FSTL4: variants seen among roughly 807,000 people sequenced by gnomAD.
FSTL4 encodes the protein follistatin like 4.
FSTL4 carries 28 observed loss-of-function variants against 78.2 expected under a neutral mutation model. The ratio of observed to expected loss-of-function variants is 0.36; its 90% CI spans 0.27 to 0.49. The LOEUF is 0.49. FSTL4 is among the 20% of genes least tolerant of loss of function. FSTL4 has a pLI of 0.98. For synonymous variants in FSTL4, 422 were observed against 440.5 expected, an observed-to-expected ratio of 0.96 and a Z score of 0.53; for missense variants, 922 against 1,084.9, an observed-to-expected ratio of 0.85 and a Z score of 2.11.
intron 2 of FSTL4, among the ~76,000 whole-genome samples, chr5:133,581,345 G>C (rs746179048): frequency 2.6e-5 from 4 of 152,184 alleles, no homozygotes; most frequent in Non-Finnish European, 4.4e-5. Flanking sequence ...TGTTCCTCAC[G>C]TAGGATGCAC....
chr5:133,356,575 AT>A (rs1449724467), intron 4 of FSTL4, among the ~76,000 whole-genome samples: 1 of 152,240 alleles, frequency 6.6e-6, no homozygotes, highest in African/African-American at 2.4e-5. Context: ...CTTTCTTCAG[AT>A]GGGACTGGTT....
At chr5:133,616,322 T>TATCTA (rs1221828914), upstream of FSTL4, among the ~76,000 whole-genome samples, 47 of 151,182 alleles carry the variant, frequency 3.1e-4, no homozygotes, top group African/African-American at 1.1e-3. Flanking sequence ...TCTATCTATC[T>TATCTA]ATCTATCTAT....
At chr5:133,208,139 G>C (rs1750585254) in intron 14 of FSTL4, 1 of 152,068 alleles carries the variant, frequency 6.6e-6, no homozygotes, top group African/African-American at 2.4e-5. Flanking sequence ...CACTATCTCT[G>C]TCCACCTTGA....
At chr5:133,709,855 T>A in the FSTL4 span, among the ~76,000 whole-genome samples, 1 of 152,246 alleles carries the variant, frequency 6.6e-6, no homozygotes. Flanking sequence ...ATTAATATTA[T>A]TTTTATTGGC....
chr5:133,299,500 G>C (rs1337302998), intron 6 of FSTL4, among the ~76,000 whole-genome samples: 1 of 152,188 alleles, frequency 6.6e-6, no homozygotes, highest in Non-Finnish European at 1.5e-5. Flanking sequence ...AGGCTGTGGA[G>C]AGTCTGGCAT....
At chr5:133,674,661 AC>A in the FSTL4 span, among the ~76,000 whole-genome samples, 1 of 151,776 alleles carries the variant, frequency 6.6e-6, no homozygotes, top group Non-Finnish European at 1.5e-5. Context: ...CATGAGAGCG[AC>A]CTTTTTTGGT....
At chr5:133,222,513 T>G (rs1247342343) in intron 11 of FSTL4, among the ~76,000 whole-genome samples, 1 of 152,014 alleles carries the variant, frequency 6.6e-6, no homozygotes, top group Non-Finnish European at 1.5e-5. Flanking sequence ...AGCCACAAAC[T>G]CCAGGAACAG....
chr5:133,655,145 C>T, the FSTL4 span, among the ~76,000 whole-genome samples: 1 of 152,216 alleles, frequency 6.6e-6, no homozygotes, highest in African/African-American at 2.4e-5. Flanking sequence ...AACTCTCCAT[C>T]TAGTCTGGAA....
chr5:133,410,878 A>AG (rs1756464522), intron 3 of FSTL4, among the ~76,000 whole-genome samples: 2 of 152,212 alleles, frequency 1.3e-5, no homozygotes. Flanking sequence ...TATCAAGACA[A>AG]AGCTTAGTAA....
chr5:133,543,876 T>C (rs1759523325), intron 3 of FSTL4, among the ~76,000 whole-genome samples: 1 of 152,232 alleles, frequency 6.6e-6, no homozygotes, highest in Non-Finnish European at 1.5e-5. Flanking sequence ...CCTAGATTTT[T>C]TGAATATTTT....
chr5:133,343,863 T>C (rs550458893), intron 4 of FSTL4, among the ~76,000 whole-genome samples: 6 of 151,972 alleles, frequency 3.9e-5, no homozygotes, highest in Non-Finnish European at 8.8e-5. Flanking sequence ...AAGCACAGGA[T>C]GGTCGAGGGA....
At chr5:133,671,209 A>C in the FSTL4 span, among the ~76,000 whole-genome samples, 2 of 152,170 alleles carry the variant, frequency 1.3e-5, no homozygotes, top group South Asian at 4.2e-4. Context: ...CTGATAACCC[A>C]GGAATGAGAC....
At chr5:133,350,275 A>G (rs1199875334) in intron 4 of FSTL4, among the ~76,000 whole-genome samples, 1 of 152,242 alleles carries the variant, frequency 6.6e-6, no homozygotes, top group African/African-American at 2.4e-5. Context: ...TCTTGGAGAT[A>G]GTGTCATACA....
intron 4 of FSTL4, among the ~76,000 whole-genome samples, chr5:133,389,785 T>C (rs1170055338): frequency 1.3e-5 from 2 of 152,154 alleles, no homozygotes; most frequent in Non-Finnish European, 2.9e-5. Flanking sequence ...CCTGACTGGA[T>C]ATAAGTAAAG....
chr5:133,280,869 C>T (rs1274098006), intron 6 of FSTL4, among the ~76,000 whole-genome samples: 1 of 152,208 alleles, frequency 6.6e-6, no homozygotes, highest in African/African-American at 2.4e-5. Flanking sequence ...TTCCTCTCAC[C>T]TCCCTGTCTC....
chr5:133,444,155 G>A (rs1478638417), intron 3 of FSTL4, among the ~76,000 whole-genome samples: 1 of 152,188 alleles, frequency 6.6e-6, no homozygotes, highest in Non-Finnish European at 1.5e-5. Flanking sequence ...ACCAATGTTT[G>A]TTAAATGACT....
intron 6 of FSTL4, among the ~76,000 whole-genome samples, chr5:133,306,307 C>T (rs1391840080): frequency 1.3e-5 from 2 of 152,184 alleles, no homozygotes; most frequent in East Asian, 1.9e-4. Context: ...GCGGGCTAAG[C>T]GAGAGCCCTC....
chr5:133,630,041 T>C, the FSTL4 span, among the ~76,000 whole-genome samples: 10 of 152,256 alleles, frequency 6.6e-5, no homozygotes, highest in African/African-American at 1.9e-4. Flanking sequence ...GCCAATATCA[T>C]AGTGAATGGG....
chr5:133,663,983 C>T, the FSTL4 span, among the ~76,000 whole-genome samples: 1 of 152,140 alleles, frequency 6.6e-6, no homozygotes, highest in East Asian at 1.9e-4. Flanking sequence ...ATGCTATGAG[C>T]AAATGTCCAA....
Sources: allele counts gnomAD v4.1 joint callset (sites outside exome capture counted in the v4.1 genomes callset), GRCh38; gene constraint gnomAD v4.1.1; transcripts MANE v1.5; gene names NCBI Gene and HGNC (gene_info 2026-07-23, HGNC 2026-07-21).